RCSD1: variants seen among roughly 807,000 people sequenced by gnomAD.
The protein encoded by RCSD1 is RCSD domain containing 1.
A neutral mutation model predicts 42.5 loss-of-function variants in RCSD1; 26 were observed. The observed-to-expected ratio is 0.61, with a 90% CI of 0.45 to 0.85. RCSD1 has a LOEUF of 0.85. Ranked by LOEUF, RCSD1 falls within the 40% of genes least tolerant of loss-of-function variation. The pLI is 0.00. For missense variants in RCSD1, 571 were observed against 528.3 expected (o/e 1.08, Z -0.79); for synonymous variants, 220 against 212.2 (o/e 1.04, Z -0.32).
intron 1 of RCSD1, among the ~76,000 whole-genome samples, chr1:167,644,715 T>G (rs1466371890): frequency 2.0e-5 from 3 of 152,118 alleles, no homozygotes; most frequent in Admixed American, 2.0e-4. Context: ...TTCCTTACCT[T>G]TCACACCTCT....
chr1:167,690,226 C>A, intron 4 of RCSD1, 106 bp downstream of exon 4: 1 of 935,784 alleles, frequency 1.1e-6, no homozygotes, highest in Admixed American at 2.3e-5. Flanking sequence ...GTGTCACCTG[C>A]ATAATTGGCC....
At chr1:167,646,446 T>TA (rs10530984) in intron 1 of RCSD1, among the ~76,000 whole-genome samples, 10 of 136,788 alleles carry the variant, frequency 7.3e-5, no homozygotes, top group South Asian at 6.9e-4. Context: ...AACACTTTTC[T>TA]AAAAAAAAAA....
chr1:167,691,105 G>A (rs542160629), intron 4 of RCSD1, among the ~76,000 whole-genome samples: 69 of 152,268 alleles, frequency 4.5e-4, no homozygotes, highest in Admixed American at 1.2e-3. Flanking sequence ...GGCATTACTC[G>A]AGCTGGATAG....
intron 1 of RCSD1, among the ~76,000 whole-genome samples, chr1:167,637,191 G>A (rs1423168605): frequency 6.6e-6 from 1 of 152,136 alleles, no homozygotes; most frequent in Non-Finnish European, 1.5e-5. Context: ...CAATCAGAAA[G>A]AGTGACAAGA....
intron 1 of RCSD1, among the ~76,000 whole-genome samples, chr1:167,678,275 CCAGACTTGGGTATAT>C (rs1282830735): frequency 3.9e-5 from 6 of 152,150 alleles, no homozygotes; most frequent in Non-Finnish European, 7.3e-5. Flanking sequence ...TCTCTGAACT[CCAGACTTGGGTATAT>C]ATTCAACCTC....
chr1:167,683,924 A>T lies in RCSD1; in HGVS notation c.31A>T (p.Asn11Tyr). 2 of 1,614,202 alleles carry T rather than the reference A, an allele frequency of 1.2e-6. No individual in the cohort carries two copies. Among genetic ancestry groups the T allele is most frequent in the Non-Finnish European group, 1.7e-6 (2 of 1,180,026 alleles). ...GGAAAGACCGGCAGAGACCAATGCCAATGTGGACAACTCGGCGTCCCCCTC... is the reference window on the plus strand; with the variant it reads ...GGAAAGACCGGCAGAGACCAATGCCTATGTGGACAACTCGGCGTCCCCCTC... The part of the protein sequence containing the change: MEERPAETNA[N>Y]VDNSASPSVA... Residue 11 changes from asparagine (N) to tyrosine (Y), a missense_variant, in exon 2 of 7, where the codon AAT becomes TAT. Coordinates refer to ENST00000367854, the MANE Select transcript of RCSD1 (RefSeq NM_052862.4).
intron 1 of RCSD1, among the ~76,000 whole-genome samples, chr1:167,645,981 A>T (rs1262705926): frequency 6.6e-6 from 1 of 152,178 alleles, no homozygotes; most frequent in Non-Finnish European, 1.5e-5. Flanking sequence ...ACCAGTTGAG[A>T]GGCCAAGGCA....
chr1:167,695,674 A>G (rs7513380), intron 5 of RCSD1, among the ~76,000 whole-genome samples: 24,581 of 151,578 alleles, frequency 0.16, 2,542 homozygotes, highest in African/African-American at 0.29. Flanking sequence ...ACAGGCATGC[A>G]CCACCACACC....
chr1:167,674,789 C>G (rs1456429202), intron 1 of RCSD1, among the ~76,000 whole-genome samples: 5 of 152,208 alleles, frequency 3.3e-5, no homozygotes, highest in African/African-American at 1.2e-4. Flanking sequence ...ATCACATTTA[C>G]TATGTATTAG....
chr1:167,694,327 C>T (rs745431416), intron 5 of RCSD1, 25 bp downstream of exon 5: 17 of 1,602,344 alleles, frequency 1.1e-5, no homozygotes, highest in African/African-American at 8.0e-5. Flanking sequence ...CAGATTATGG[C>T]GGTGTGTCTG....
intron 1 of RCSD1, among the ~76,000 whole-genome samples, chr1:167,644,679 T>C (rs1443291101): frequency 6.6e-6 from 1 of 152,026 alleles, no homozygotes; most frequent in East Asian, 1.9e-4. Flanking sequence ...TCCCCCCACA[T>C]ACCTGGGTTG....
At chr1:167,701,452 C>T (rs1051337783) in intron 6 of RCSD1, among the ~76,000 whole-genome samples, 12 of 151,974 alleles carry the variant, frequency 7.9e-5, no homozygotes, top group Middle Eastern at 6.8e-3. Flanking sequence ...ATTACAAGCC[C>T]GCACCACCAT....
At chr1:167,660,455 G>A (rs1658515618) in intron 1 of RCSD1, among the ~76,000 whole-genome samples, 1 of 151,086 alleles carries the variant, frequency 6.6e-6, no homozygotes, top group African/African-American at 2.4e-5. Context: ...TATACCATTG[G>A]CTCCTTAATT....
At chr1:167,638,374 A>T (rs1359899058) in intron 1 of RCSD1, 1 of 152,246 alleles carries the variant, frequency 6.6e-6, no homozygotes, top group Non-Finnish European at 1.5e-5. Context: ...TCATAAAGTC[A>T]TATTATGTCT....
Position 167,697,475 on chromosome 1 carries a change from C to T in RCSD1, c.851C>T (p.Ser284Leu), listed in dbSNP as rs374728017. 2.8e-5 allele frequency: 45 copies of T among 1,609,924 alleles called. 2 individuals are homozygous for T. Among genetic ancestry groups the T allele is most frequent in the Middle Eastern group, 1.7e-4 (1 of 6,060 alleles). The part of the protein sequence containing the change: ...QHPAQEEVPE[S>L]PQTSGPEAEN... ...CCGGCCCAAGAGGAGGTCCCGGAATCGCCCCAGACCTCTGGCCCAGAGGCA... is the reference window on the plus strand; with the variant it reads ...CCGGCCCAAGAGGAGGTCCCGGAATTGCCCCAGACCTCTGGCCCAGAGGCA... Residue 284 changes from serine (S) to leucine (L), a missense_variant, in exon 6 of 7, where the codon TCG becomes TTG. Transcript: ENST00000367854.
At chr1:167,690,990 G>GTTC (rs1659361965) in intron 4 of RCSD1, among the ~76,000 whole-genome samples, 1 of 152,196 alleles carries the variant, frequency 6.6e-6, no homozygotes, top group Non-Finnish European at 1.5e-5. Context: ...GTCTTGTGGA[G>GTTC]ACAGAGCTTT....
At chr1:167,689,959 TCTC>T (rs764825545) in intron 3 of RCSD1, 87 bp from the exon 4 acceptor site, 154 of 1,258,872 alleles carry the variant, frequency 1.2e-4, no homozygotes, top group Non-Finnish European at 1.5e-4. Flanking sequence ...CAACTTCTCT[TCTC>T]CTTCTGCCTG....
intron 1 of RCSD1, among the ~76,000 whole-genome samples, chr1:167,678,804 T>G (rs1448634735): frequency 1.3e-5 from 2 of 152,196 alleles, no homozygotes; most frequent in African/African-American, 4.8e-5. Context: ...CGCCCCCTCT[T>G]GTTGTCCCTG....
intron 6 of RCSD1, among the ~76,000 whole-genome samples, chr1:167,701,001 C>T (rs116393360): frequency 0.022 from 3,402 of 152,248 alleles, 53 homozygotes; most frequent in Non-Finnish European, 0.035. Flanking sequence ...AGTCTTCCTG[C>T]GGGAACTCCA....
Sources: allele counts gnomAD v4.1 joint callset (sites outside exome capture counted in the v4.1 genomes callset), GRCh38; gene constraint gnomAD v4.1.1; transcripts MANE v1.5; gene names NCBI Gene and HGNC (gene_info 2026-07-23, HGNC 2026-07-21).